The following GPD1L variants were observed in gnomAD, a reference collection of about 807,000 sequenced individuals.
The protein encoded by GPD1L is glycerol-3-phosphate dehydrogenase 1-like protein.
A neutral mutation model predicts 32.9 loss-of-function variants in GPD1L; 17 were observed. The ratio of observed to expected loss-of-function variants is 0.52; its 90% CI spans 0.35 to 0.78. GPD1L has a LOEUF of 0.78. Among genes scored for constraint, GPD1L ranks in the 30% least tolerant of loss-of-function variants. The pLI is 0.01. For missense variants in GPD1L, 361 were observed against 447.8 expected (o/e 0.81, Z 1.75); for synonymous variants, 187 against 165.9 (o/e 1.13, Z -0.98).
At chr3:32,127,358 G>C (rs906805685) in intron 1 of GPD1L, among the ~76,000 whole-genome samples, 5 of 152,358 alleles carry the variant, frequency 3.3e-5, no homozygotes, top group African/African-American at 1.2e-4. Flanking sequence ...CCCATCAGCA[G>C]CTTCTGTGAG....
intron 5 of GPD1L, 72 bp from the exon 6 acceptor site, chr3:32,158,804 C>G: frequency 1.9e-6 from 3 of 1,571,846 alleles, no homozygotes; most frequent in Non-Finnish European, 2.6e-6. Flanking sequence ...CTCGGCATCC[C>G]CCACCACCTC....
intron 7 of GPD1L, 127 bp from the exon 8 acceptor site, chr3:32,165,687 G>A: frequency 1.4e-6 from 1 of 712,094 alleles, no homozygotes; most frequent in Non-Finnish European, 2.6e-6. Flanking sequence ...AAGGAATGTA[G>A]AAAGTGCTCA....
At chr3:32,114,385 C>G (rs1295524309) in intron 1 of GPD1L, among the ~76,000 whole-genome samples, 1 of 152,220 alleles carries the variant, frequency 6.6e-6, no homozygotes, top group Non-Finnish European at 1.5e-5. Context: ...TTTTCTAGTC[C>G]ATGTGTTCAG....
In GPD1L at chr3:32,168,015, G is replaced by A. The variant is rs1420168735; in HGVS notation, c.*2105G>A. On this transcript the variant is annotated 3_prime_UTR_variant, in exon 8 of 8. Transcript: ENST00000282541. ...TAAAGGGCTGTAAGCTAATTGTGGT[G>A]TCTAGTAAGTAGCATAATGAGATGT... The A allele has an allele frequency of 1.3e-5, 2 of 152,158 alleles. No individual in the cohort carries two copies. The highest frequency in any genetic ancestry group is 1.9e-4 in the East Asian group (1 of 5,186). 9.4% of individuals were successfully genotyped at this position (152,158 alleles called of 1,614,324 possible).
intron 5 of GPD1L, among the ~76,000 whole-genome samples, chr3:32,153,187 C>T (rs901061863): frequency 5.9e-5 from 9 of 152,088 alleles, no homozygotes; most frequent in Non-Finnish European, 1.0e-4. Context: ...TAAACCATGC[C>T]GGGATGCCCA....
At chr3:32,147,998 A>T (rs1700857634) in intron 5 of GPD1L, among the ~76,000 whole-genome samples, 1 of 152,240 alleles carries the variant, frequency 6.6e-6, no homozygotes, top group African/African-American at 2.4e-5. Flanking sequence ...TCTTTGCATT[A>T]GCATTACATT....
At chr3:32,119,788 T>G (rs1235645622) in intron 1 of GPD1L, among the ~76,000 whole-genome samples, 2 of 152,126 alleles carry the variant, frequency 1.3e-5, no homozygotes, top group Non-Finnish European at 2.9e-5. Context: ...CTTTTGCCCA[T>G]GGAACCAGCC....
At position 32,106,755 on chromosome 3, in the gene GPD1L, A is replaced by G. The variant is rs1023071144; in HGVS notation, c.44A>G (p.Asn15Ser). 4 of 1,556,660 alleles carry G rather than the reference A, an allele frequency of 2.6e-6. No individual in the cohort carries two copies. Among genetic ancestry groups the G allele is most frequent in the Non-Finnish European group, 3.5e-6 (4 of 1,152,000 alleles). ...AAAGTGTGCATCGTGGGCTCGGGGA[A>G]CTGGTGAGCGGCGGCGGGCTGGAGG... ...PLKVCIVGSG[N>S]WGSAVAKIIG... Residue 15 changes from asparagine to serine, a missense_variant, in exon 1 of 8, where the codon AAC becomes AGC. Transcript: ENST00000282541. This position sits in a 1 kb window ranked among gnomAD's most constrained non-coding sequence, Gnocchi z 4.0.
intron 4 of GPD1L, among the ~76,000 whole-genome samples, chr3:32,144,481 C>A (rs1349393823): frequency 1.3e-5 from 2 of 152,162 alleles, no homozygotes; most frequent in Non-Finnish European, 2.9e-5. Context: ...GAATCACAAA[C>A]TAAAATAAGG....
At chr3:32,109,700 G>A (rs1700219565) in intron 1 of GPD1L, among the ~76,000 whole-genome samples, 1 of 152,252 alleles carries the variant, frequency 6.6e-6, no homozygotes, top group East Asian at 1.9e-4. Flanking sequence ...CCCCAGAGGA[G>A]TGTTCAGCTC....
At chr3:32,107,763 T>C (rs763208492) in intron 1 of GPD1L, among the ~76,000 whole-genome samples, 20 of 152,218 alleles carry the variant, frequency 1.3e-4, no homozygotes, top group Non-Finnish European at 2.6e-4. Flanking sequence ...AAGGAAACCT[T>C]ACCTGGTTCT....
intron 1 of GPD1L, among the ~76,000 whole-genome samples, chr3:32,115,682 A>G (rs1700321370): frequency 6.6e-6 from 1 of 151,234 alleles, no homozygotes; most frequent in East Asian, 1.9e-4. Context: ...CCCAAGCTGA[A>G]ATTAGTAATT....
At chr3:32,154,437 G>A (rs1002755531) in intron 5 of GPD1L, among the ~76,000 whole-genome samples, 1 of 152,144 alleles carries the variant, frequency 6.6e-6, no homozygotes, top group African/African-American at 2.4e-5. Flanking sequence ...GGATGGTTCT[G>A]GTTGCAGAGA....
intron 1 of GPD1L, among the ~76,000 whole-genome samples, chr3:32,112,752 T>C (rs1415615848): frequency 6.6e-6 from 1 of 152,228 alleles, no homozygotes; most frequent in Non-Finnish European, 1.5e-5. Context: ...CATTCTTCCA[T>C]TCTATCTCCT....
intron 1 of GPD1L, among the ~76,000 whole-genome samples, chr3:32,113,704 A>G (rs569273842): frequency 6.6e-6 from 1 of 152,292 alleles, no homozygotes; most frequent in Admixed American, 6.5e-5. Flanking sequence ...CCCCAAACTT[A>G]GTGGCTTCAG....
chr3:32,111,394 G>C (rs1700244066), intron 1 of GPD1L, among the ~76,000 whole-genome samples: 1 of 152,150 alleles, frequency 6.6e-6, no homozygotes, highest in Non-Finnish European at 1.5e-5. Context: ...CTCCCACTTG[G>C]CAGCTCTGAG....
At chr3:32,145,871 G>T (rs1700812856) in intron 4 of GPD1L, among the ~76,000 whole-genome samples, 1 of 152,156 alleles carries the variant, frequency 6.6e-6, no homozygotes, top group Admixed American at 6.5e-5. Flanking sequence ...AGTATTGGGT[G>T]TAGATATTGT....
intron 5 of GPD1L, among the ~76,000 whole-genome samples, chr3:32,152,830 GAAGA>G (rs1473195681): frequency 2.3e-5 from 3 of 131,172 alleles, no homozygotes; most frequent in Admixed American, 1.5e-4. Flanking sequence ...GTTAAAAAAA[GAAGA>G]AAGAAAGAAA....
chr3:32,124,135 G>A (rs1279743038), intron 1 of GPD1L, among the ~76,000 whole-genome samples: 1 of 151,982 alleles, frequency 6.6e-6, no homozygotes, highest in Non-Finnish European at 1.5e-5. Context: ...GCATGATCTC[G>A]GCTCACTGCA....
Sources: gnomAD v4.1 joint callset for allele counts (sites outside exome capture counted in the v4.1 genomes callset) on GRCh38, gnomAD v4.1.1 for gene constraint, Gnocchi (gnomAD v3.1) non-coding constraint, MANE v1.5 for transcripts, NCBI Gene and HGNC (gene_info 2026-07-23, HGNC 2026-07-21) for gene names.